Variants in LY6K observed in about 807,000 individuals in gnomAD.
The protein encoded by LY6K is lymphocyte antigen 6K.
A neutral mutation model predicts 10.4 loss-of-function variants in LY6K; 9 were observed. The ratio of observed to expected loss-of-function variants is 0.87; its 90% CI spans 0.52 to 1.52. LY6K has a LOEUF of 1.52. LY6K is among the 40% of genes most tolerant of loss of function. The probability of loss-of-function intolerance (pLI) is 0.00; values close to 1 mark genes in which losing one functional copy is unlikely to be tolerated. For synonymous variants in LY6K, 98 were observed against 83.7 expected (o/e 1.17, Z -0.94); for missense variants, 217 against 211.7 (o/e 1.02, Z -0.15).
At chr8:142,702,705 C>A in intron 2 of LY6K, 1 of 1,498,878 alleles carries the variant, frequency 6.7e-7, no homozygotes, top group Non-Finnish European at 8.9e-7. Flanking sequence ...AGCTCAGAGT[C>A]GAGCCAGGCC....
rs1474112191 is a variant in LY6K, at chr8:142,703,383, G to A, written c.*12G>A. Reference sequence around the variant, plus strand: ...TCAGCCTGTCTTGAGCCACGGGACTGCCACAGACTGAGCCTTCCGGAGCAT... The same window carrying A: ...TCAGCCTGTCTTGAGCCACGGGACTACCACAGACTGAGCCTTCCGGAGCAT... On this transcript the variant is annotated 3_prime_UTR_variant, in exon 3 of 3. Transcript: ENST00000292430. 1 of 1,601,430 alleles carries A rather than the reference G, an allele frequency of 6.2e-7. No homozygotes were observed. The highest frequency in any genetic ancestry group is 8.5e-7 in the Non-Finnish European group (1 of 1,173,816).
intron 2 of LY6K, 59 bp downstream of exon 2, chr8:142,701,772 A>G (rs1554640196): frequency 1.8e-6 from 2 of 1,099,230 alleles, no homozygotes; most frequent in African/African-American, 3.1e-5. Context: ...GCTTTCAGGA[A>G]TCAGGGCTGT....
At chr8:142,701,912 C>A (rs782530630) in intron 2 of LY6K, 199 bp downstream of exon 2, 9 of 504,404 alleles carry the variant, frequency 1.8e-5, no homozygotes, top group Middle Eastern at 1.1e-3. Context: ...CGGGTTCAAG[C>A]GATTCTCCTG....
At position 142,700,446 on chromosome 8, in the gene LY6K, A is replaced by G. The variant is rs1554639900; in HGVS notation, c.-82A>G. 2.0e-6 allele frequency: 3 copies of G among 1,468,538 alleles called. No individual in the cohort carries two copies. Among genetic ancestry groups the G allele is most frequent in the Non-Finnish European group, 2.7e-6 (3 of 1,110,772 alleles). The allele number at this position is 1,468,538 out of a possible 1,614,324, so 91.0% of individuals were successfully genotyped here. On this transcript the variant is annotated 5_prime_UTR_variant, in exon 1 of 3. Transcript: ENST00000292430. The stretch of plus-strand genomic sequence containing the variant: ...CCCCCTACCGGCCAGACCCGGGGAG[A>G]GGCGCGCGGAGGCTGCGAAGGTTCC...
Position 142,700,238 on chromosome 8 carries a change from C to A in LY6K, c.-290C>A. On this transcript the variant is annotated 5_prime_UTR_variant, in exon 1 of 3. Transcript: ENST00000292430. Reference sequence around the variant, plus strand: ...GGCTCAGGGGCTGCGTTTCCACACGCGCCTTTCCCAGGGCTCCCGCGCCCG... The same window carrying A: ...GGCTCAGGGGCTGCGTTTCCACACGAGCCTTTCCCAGGGCTCCCGCGCCCG... 2.2e-6 allele frequency: 2 copies of A among 917,670 alleles called. No individual in the cohort carries two copies. The highest frequency in any genetic ancestry group is 2.8e-6 in the Non-Finnish European group (2 of 718,184). 56.8% of individuals were successfully genotyped at this position (917,670 alleles called of 1,614,324 possible). A position where few individuals can be genotyped will look rare whatever the true frequency, so the allele number is the denominator to read the frequency against.
rs782128428 is a variant in LY6K at position 142,701,666 on chromosome 8, C to T, written c.170C>T (p.Pro57Leu). ...ERENTFECQN[P>L]RRCKWTEPYC... is the part of the protein sequence containing the mutation. ...GAAAACACTTTCGAGTGCCAGAACC[C>T]AAGGAGGTGCAAATGGACAGAGCCA... The change falls in exon 2 of 3, where the codon CCA becomes CTA. Residue 57 changes from proline to leucine, a missense_variant. By Grantham distance (98) the Pro-to-Leu change is moderately conservative (BLOSUM62 -3). Coordinates refer to ENST00000292430, the MANE Select transcript of LY6K (RefSeq NM_017527.4). 2 of 1,613,948 alleles carry T rather than the reference C, an allele frequency of 1.2e-6. No homozygotes were observed. Among genetic ancestry groups the T allele is most frequent in the South Asian group, 1.1e-5 (1 of 91,070 alleles).
At chr8:142,701,768 A>C in intron 2 of LY6K, 55 bp downstream of exon 2, 2 of 1,144,114 alleles carry the variant, frequency 1.7e-6, no homozygotes, top group Non-Finnish European at 2.6e-6. Flanking sequence ...GAGGGCTTTC[A>C]GGAATCAGGG....
intron 2 of LY6K, 88 bp downstream of exon 2, chr8:142,701,801 G>T: frequency 1.2e-6 from 1 of 800,954 alleles, no homozygotes. Context: ...CCTCAATGGG[G>T]AATAACTAAT....
In LY6K at chr8:142,700,113, G is replaced by A. The variant is rs188684951; in HGVS notation, c.-415G>A. On this transcript the variant is annotated 5_prime_UTR_variant, in exon 1 of 3. Coordinates refer to ENST00000292430, the MANE Select transcript of LY6K (RefSeq NM_017527.4). Reference sequence around the variant, plus strand: ...TGAGCTAAAAGCTATTCAGGGGCGAGTTATCAGAGGTGAGCCCGTGCTCTT... The same window carrying A: ...TGAGCTAAAAGCTATTCAGGGGCGAATTATCAGAGGTGAGCCCGTGCTCTT... 1.4e-3 allele frequency: 233 copies of A among 164,794 alleles called. 2 individuals carry two copies. The highest frequency in any genetic ancestry group is 2.8e-3 in the Middle Eastern group (1 of 352). 10.2% of individuals were successfully genotyped at this position (164,794 alleles called of 1,614,324 possible). A position where few individuals can be genotyped will look rare whatever the true frequency, so the allele number is the denominator to read the frequency against.
intron 2 of LY6K, 157 bp from the exon 3 acceptor site, chr8:142,702,934 C>T (rs1324325592): frequency 4.5e-6 from 7 of 1,550,590 alleles, no homozygotes; most frequent in African/African-American, 1.4e-5. Context: ...ACACACAGGC[C>T]TGGCCCTCGT....
rs372010665 is a variant in LY6K, at chr8:142,701,601, C to G, written c.105C>G (p.Asp35Glu). The change falls in exon 2 of 3, where the codon GAC becomes GAG. Residue 35 changes from aspartate to glutamate, a missense_variant and splice_region_variant. Asp to Glu is a conservative substitution (Grantham distance 45, BLOSUM62 2). Coordinates refer to ENST00000292430, the MANE Select transcript of LY6K (RefSeq NM_017527.4). ...QRDPEDSQRTDEGDNRVWCHV... is the reference protein window; with the variant it reads ...QRDPEDSQRTEEGDNRVWCHV... ...TTTCTTTTTTATTCCTCCTTTCAGA[C>G]GAGGGTGACAATAGAGTGTGGTGTC... The G allele has an allele frequency of 1.9e-6, 3 of 1,596,550 alleles. No individual in the cohort carries two copies. Among genetic ancestry groups the G allele is most frequent in the Non-Finnish European group, 2.6e-6 (3 of 1,164,304 alleles).
rs1587563487 is a variant in LY6K, at chr8:142,702,682, A to G, written c.218-409A>G. 1.5e-5 allele frequency: 23 copies of G among 1,513,738 alleles called. No individual in the cohort carries two copies. In the East Asian group the frequency reaches 5.7e-4, roughly 38 times the overall value. 93.8% of individuals were successfully genotyped at this position (1,513,738 alleles called of 1,614,324 possible). On this transcript the variant is annotated intron_variant, in intron 2 of 2. Transcript: ENST00000292430. ...ATGTATAAGATGAAGTGTGGTCATGAGACAAGACCCCCAGCTCAGAGTCGA... is the reference window on the plus strand; with the variant it reads ...ATGTATAAGATGAAGTGTGGTCATGGGACAAGACCCCCAGCTCAGAGTCGA...
At chr8:142,701,975 AT>A (rs1563812344) in intron 2 of LY6K, 1 of 359,172 alleles carries the variant, frequency 2.8e-6, no homozygotes. Flanking sequence ...ACACTGGCTA[AT>A]TTTTTATTTT....
rs782760195 is a variant in LY6K at position 142,703,351 on chromosome 8, G to A, written c.478G>A (p.Ala160Thr). The change falls in exon 3 of 3, where the codon GCC becomes ACC. Residue 160 changes from alanine to threonine, a missense_variant. Ala to Thr is a moderately conservative substitution (Grantham distance 58). Transcript: ENST00000292430. ...CCTCCTGCTGCTGGCCTCCATTGCA[G>A]CCGGCCTCAGCCTGTCTTGAGCCAC... is the stretch of plus-strand genomic sequence containing the variant. ...AILLLLASIAAGLSLS is the reference protein window; with the variant it reads ...AILLLLASIATGLSLS The A allele has an allele frequency of 6.2e-7, 1 of 1,610,970 alleles. No individual in the cohort carries two copies.
In LY6K at chr8:142,701,601, C is replaced by T. The variant is rs372010665; in HGVS notation, c.105C>T (p.Asp35=). ...TTTCTTTTTTATTCCTCCTTTCAGACGAGGGTGACAATAGAGTGTGGTGTC... is the reference window on the plus strand; with the variant it reads ...TTTCTTTTTTATTCCTCCTTTCAGATGAGGGTGACAATAGAGTGTGGTGTC... ...QRDPEDSQRT[D]EGDNRVWCHV... Residue 35 remains aspartate, a splice_region_variant and synonymous_variant, in exon 2 of 3, where the codon GAC becomes GAT. Transcript: ENST00000292430. 6 of 1,596,668 alleles carry T rather than the reference C, an allele frequency of 3.8e-6. No homozygotes were observed. The highest frequency in any genetic ancestry group is 1.1e-5 in the South Asian group (1 of 90,686).
At chr8:142,700,721 G>A in intron 1 of LY6K, 91 bp downstream of exon 1, 1 of 1,286,638 alleles carries the variant, frequency 7.8e-7, no homozygotes, top group Non-Finnish European at 1.0e-6. Flanking sequence ...CCCCGACCAG[G>A]CCGTGAGAAC....
At position 142,703,084 on chromosome 8, in the gene LY6K, C is replaced by G. The variant is rs1554640418; in HGVS notation, c.218-7C>G. On this transcript the variant is annotated splice_polypyrimidine_tract_variant and splice_region_variant and intron_variant, in intron 2 of 2. Coordinates refer to ENST00000292430, the MANE Select transcript of LY6K (RefSeq NM_017527.4). Reference sequence around the variant, plus strand: ...ATTGCCTTCTCTCGGTCTTTATTTCCTATTAGAAATATTTCCACGTTTTTT... The same window carrying G: ...ATTGCCTTCTCTCGGTCTTTATTTCGTATTAGAAATATTTCCACGTTTTTT... 1 of 1,613,302 alleles carries G rather than the reference C, an allele frequency of 6.2e-7. No homozygotes were observed. Among genetic ancestry groups the G allele is most frequent in the Non-Finnish European group, 8.5e-7 (1 of 1,179,388 alleles).
At chr8:142,703,006 T>C (rs1554640403) in intron 2 of LY6K, 85 bp from the exon 3 acceptor site, 1 of 1,581,016 alleles carries the variant, frequency 6.3e-7, no homozygotes, top group Non-Finnish European at 8.6e-7. Flanking sequence ...CCGCCAGGGG[T>C]GAGGCTTTGA....
At position 142,700,267 on chromosome 8, in the gene LY6K, C is replaced by T. The variant is rs1814945566; in HGVS notation, c.-261C>T. 1 of 1,166,978 alleles carries T rather than the reference C, an allele frequency of 8.6e-7. No homozygotes were observed. Among genetic ancestry groups the T allele is most frequent in the Non-Finnish European group, 1.1e-6 (1 of 931,838 alleles). 72.3% of individuals were successfully genotyped at this position (1,166,978 alleles called of 1,614,324 possible). ...TTTCCCAGGGCTCCCGCGCCCGTTCCTGCCTGGCCGCCGGCCGCTCCAACA... is the reference window on the plus strand; with the variant it reads ...TTTCCCAGGGCTCCCGCGCCCGTTCTTGCCTGGCCGCCGGCCGCTCCAACA... On this transcript the variant is annotated 5_prime_UTR_variant, in exon 1 of 3. Coordinates refer to ENST00000292430, the MANE Select transcript of LY6K (RefSeq NM_017527.4).
Sources: gnomAD v4.1 joint callset for allele counts on GRCh38, gnomAD v4.1.1 for gene constraint, MANE v1.5 for transcripts, NCBI Gene and HGNC (gene_info 2026-07-23, HGNC 2026-07-21) for gene names.